ELMO2: variants seen among roughly 807,000 people sequenced by gnomAD.
ELMO2 encodes engulfment and cell motility protein 2.
ELMO2 carries 37 observed loss-of-function variants against 96.2 expected under a neutral mutation model. The observed-to-expected ratio is 0.38, with a 90% confidence interval of 0.30 to 0.51. The LOEUF is 0.51. Among genes scored for constraint, ELMO2 ranks in the 20% least tolerant of loss-of-function variants. The pLI is 0.88. For synonymous variants in ELMO2, 315 were observed against 329.4 expected (o/e 0.96, Z 0.47); for missense variants, 561 against 912.6 (o/e 0.61, Z 4.96).
At chr20:46,392,337 T>A (rs1184722845) in intron 6 of ELMO2, among the ~76,000 whole-genome samples, 1 of 152,136 alleles carries the variant, frequency 6.6e-6, no homozygotes, top group African/African-American at 2.4e-5. Flanking sequence ...ACCATACTCA[T>A]AAAGCTTACC....
chr20:46,369,245 C>T (rs539751675), intron 20 of ELMO2: 3 of 365,972 alleles, frequency 8.2e-6, no homozygotes, highest in South Asian at 8.1e-5. Flanking sequence ...CCTGGAAGGT[C>T]ACGATCCATG....
intron 7 of ELMO2, among the ~76,000 whole-genome samples, chr20:46,387,942 A>T (rs1568773182): frequency 1.3e-5 from 2 of 152,202 alleles, no homozygotes; most frequent in Non-Finnish European, 2.9e-5. Flanking sequence ...CGTTAACCTC[A>T]CAGGGTTGTG....
chr20:46,378,992 G>A (rs899189690), intron 11 of ELMO2, among the ~76,000 whole-genome samples: 26 of 151,954 alleles, frequency 1.7e-4, no homozygotes, highest in African/African-American at 6.0e-4. Flanking sequence ...AGTTGATAAA[G>A]TTGCCTCCTT....
chr20:46,368,253 G>C (rs1362962810), intron 21 of ELMO2, among the ~76,000 whole-genome samples: 2 of 152,004 alleles, frequency 1.3e-5, no homozygotes, highest in Admixed American at 6.6e-5. Context: ...CTAGTTCCCA[G>C]TGATGGCTCT....
rs2059992371 is a variant in ELMO2, at chr20:46,383,502, A to G, written c.678-8T>C. The G allele has an allele frequency of 4.3e-6, 7 of 1,613,312 alleles. No individual in the cohort carries two copies. The highest frequency in any genetic ancestry group is 1.7e-4 in the Middle Eastern group (1 of 6,056). ...TGAATCTCCTGGTTGGAGCTGTGTC[A>G]ATGGAGAAAGAAGAGAGAGGGAGAT... On this transcript the variant is annotated splice_region_variant and splice_polypyrimidine_tract_variant and intron_variant, in intron 9 of 21. Coordinates refer to ENST00000290246, the MANE Select transcript of ELMO2 (RefSeq NM_133171.5).
chr20:46,380,777 G>A (rs990567915), intron 10 of ELMO2, among the ~76,000 whole-genome samples: 36 of 152,146 alleles, frequency 2.4e-4, no homozygotes, highest in African/African-American at 8.5e-4. Context: ...AGACGGCTGG[G>A]GTCTGGACGC....
At chr20:46,397,258 A>C (rs2060260929) in intron 2 of ELMO2, among the ~76,000 whole-genome samples, 1 of 152,140 alleles carries the variant, frequency 6.6e-6, no homozygotes, top group African/African-American at 2.4e-5. Context: ...CCTTCCCACA[A>C]AGCCCAGGCA....
intron 6 of ELMO2, 53 bp downstream of exon 6, chr20:46,393,040 G>T: frequency 2.0e-6 from 3 of 1,486,518 alleles, no homozygotes; most frequent in Non-Finnish European, 2.8e-6. Context: ...CATGGTAGGT[G>T]CTCATATTTG....
intron 1 of ELMO2, among the ~76,000 whole-genome samples, chr20:46,405,691 C>T (rs1456334984): frequency 6.6e-6 from 1 of 152,074 alleles, no homozygotes; most frequent in Non-Finnish European, 1.5e-5. Flanking sequence ...AGTTCGAGAC[C>T]AGCCTAACAC....
chr20:46,401,990 G>A (rs967439579), intron 1 of ELMO2, among the ~76,000 whole-genome samples: 2 of 152,102 alleles, frequency 1.3e-5, no homozygotes, highest in Admixed American at 6.6e-5. Flanking sequence ...AGTATCCCTG[G>A]GAGCCCAGAC....
rs8120887 is a variant in ELMO2, at chr20:46,403,024, C to T, written c.-126+3524G>A. Among the ~76,000 whole-genome samples the T allele has an allele frequency of 2.0e-3, 301 of 152,322 alleles. 1 individual carries two copies. The highest frequency in any genetic ancestry group is 7.0e-3 in the African/African-American group (293 of 41,570). ...TTACCTGTAAAATGGGGATTAGCAT[C>T]AACTCTACCCCGTAAAGCTGTTGTG... On this transcript the variant is annotated intron_variant, in intron 1 of 21. Coordinates refer to ENST00000290246, the MANE Select transcript of ELMO2 (RefSeq NM_133171.5).
At chr20:46,379,721 A>G (rs530691297) in intron 11 of ELMO2, among the ~76,000 whole-genome samples, 1 of 152,212 alleles carries the variant, frequency 6.6e-6, no homozygotes, top group South Asian at 2.1e-4. Context: ...ACCTGAAGAC[A>G]TTCCTCTAAA....
chr20:46,402,347 C>A lies in ELMO2; in HGVS notation c.-125-3576G>T, dbSNP rs146120111. Reference sequence around the variant, plus strand: ...GGGTGCCTCCAGACCTAAATGCCTTCAGAAGAGAGTGAAAACACTACTGAC... The same window carrying A: ...GGGTGCCTCCAGACCTAAATGCCTTAAGAAGAGAGTGAAAACACTACTGAC... On this transcript the variant is annotated intron_variant, in intron 1 of 21. Coordinates refer to ENST00000290246, the MANE Select transcript of ELMO2 (RefSeq NM_133171.5). 1.5e-3 allele frequency among the ~76,000 whole-genome samples: 236 copies of A among 152,330 alleles called. 2 individuals carry two copies. Among genetic ancestry groups the A allele is most frequent in the African/African-American group, 5.3e-3 (220 of 41,564 alleles).
At chr20:46,367,688 T>G in intron 21 of ELMO2, 128 bp from the exon 22 acceptor site, 1 of 546,372 alleles carries the variant, frequency 1.8e-6, no homozygotes, top group Non-Finnish European at 3.0e-6. Context: ...CAAAACTGAT[T>G]TGGAATGATA....
chr20:46,389,321 G>C, intron 6 of ELMO2, 101 bp from the exon 7 acceptor site: 1 of 1,244,848 alleles, frequency 8.0e-7, no homozygotes, highest in Non-Finnish European at 1.1e-6. Context: ...CCAAACCTGA[G>C]GCAGAACTAG....
intron 11 of ELMO2, chr20:46,376,758 A>C: frequency 7.8e-7 from 1 of 1,289,120 alleles, no homozygotes; most frequent in Non-Finnish European, 1.0e-6. Flanking sequence ...GCTCTCCTCC[A>C]TTTTCCACAT....
intron 5 of ELMO2, 37 bp from the exon 6 acceptor site, chr20:46,393,180 A>G (rs1265334035): frequency 6.3e-7 from 1 of 1,599,462 alleles, no homozygotes; most frequent in African/African-American, 1.3e-5. Flanking sequence ...AGTAACTAAG[A>G]TAAAATGTTA....
At chr20:46,374,503 C>T (rs1237969656) in intron 14 of ELMO2, 33 bp downstream of exon 14, 2 of 1,611,766 alleles carry the variant, frequency 1.2e-6, no homozygotes, top group Non-Finnish European at 8.5e-7. Flanking sequence ...GATGTGGCAC[C>T]AGGACTGAGA....
intron 5 of ELMO2, 42 bp downstream of exon 5, chr20:46,393,487 C>T (rs746521615): frequency 3.1e-6 from 5 of 1,602,822 alleles, no homozygotes; most frequent in African/African-American, 2.7e-5. Context: ...TCGTTTAATT[C>T]CAAGCAAGGC....
Sources: gnomAD v4.1 joint callset for allele counts (sites outside exome capture counted in the v4.1 genomes callset) on GRCh38, gnomAD v4.1.1 for gene constraint, MANE v1.5 for transcripts, NCBI Gene and HGNC (gene_info 2026-07-23, HGNC 2026-07-21) for gene names.